Variants in FILIP1L observed in about 807,000 individuals in gnomAD.
The protein encoded by FILIP1L is filamin A-interacting protein 1-like.
FILIP1L carries 55 observed loss-of-function variants against 96.6 expected under a neutral mutation model. The ratio of observed to expected loss-of-function variants is 0.57; its 90% CI spans 0.46 to 0.71. The LOEUF is 0.71. FILIP1L is among the 30% of genes least tolerant of loss of function. The pLI is 0.00. For missense variants in FILIP1L, 1,304 were observed against 1,321.2 expected (o/e 0.99, Z 0.20); for synonymous variants, 467 against 473.9 (o/e 0.99, Z 0.19).
At chr3:99,957,292 T>G (rs902648477) in intron 1 of FILIP1L, among the ~76,000 whole-genome samples, 4 of 152,082 alleles carry the variant, frequency 2.6e-5, no homozygotes, top group African/African-American at 9.6e-5. Flanking sequence ...CAGCTATTCT[T>G]AAGAATTCTG....
intron 1 of FILIP1L, among the ~76,000 whole-genome samples, chr3:100,064,933 C>A (rs1047047947): frequency 1.3e-5 from 2 of 152,140 alleles, no homozygotes; most frequent in Non-Finnish European, 2.9e-5. Context: ...GCTGTTGCTG[C>A]CTATGCAATG....
intron 4 of FILIP1L, among the ~76,000 whole-genome samples, chr3:99,896,361 G>T (rs1001134744): frequency 3.9e-5 from 6 of 152,226 alleles, no homozygotes; most frequent in Non-Finnish European, 5.9e-5. Context: ...CTTTTCTAGA[G>T]AGAGGCTGTT....
intron 1 of FILIP1L, among the ~76,000 whole-genome samples, chr3:99,999,814 A>T (rs913806250): frequency 6.6e-6 from 1 of 152,222 alleles, no homozygotes; most frequent in Non-Finnish European, 1.5e-5. Context: ...CAGTGCATCC[A>T]GTTAATCTGC....
intron 1 of FILIP1L, among the ~76,000 whole-genome samples, chr3:100,062,095 T>TC (rs1229174021): frequency 2.8e-4 from 7 of 25,264 alleles, no homozygotes; most frequent in East Asian, 1.3e-3. Flanking sequence ...GTCTTCTTCT[T>TC]TTTTTTTTTT....
intron 1 of FILIP1L, among the ~76,000 whole-genome samples, chr3:100,105,632 A>C (rs1195848690): frequency 6.6e-6 from 1 of 152,182 alleles, no homozygotes; most frequent in Non-Finnish European, 1.5e-5. Context: ...ATTCTGAGTT[A>C]ATAGGCTGAG....
At chr3:100,085,592 G>T (rs2065996091) in intron 1 of FILIP1L, among the ~76,000 whole-genome samples, 1 of 152,054 alleles carries the variant, frequency 6.6e-6, no homozygotes, top group Non-Finnish European at 1.5e-5. Context: ...TCTCAGCATA[G>T]CTCTAAGATG....
rs144377333 is a variant in FILIP1L, at chr3:100,006,422, A to G, written c.-10-75392T>C. On this transcript the variant is annotated intron_variant, in intron 1 of 5. Coordinates refer to ENST00000477258, the MANE Select transcript of FILIP1L (RefSeq NM_001387850.1). ...CTCCTTCCCCATAATTATCATAACT[A>G]TTACCCACAAATGGATAAATTTGGT... 7.1e-3 allele frequency among the ~76,000 whole-genome samples: 1,087 copies of G among 152,110 alleles called. 18 individuals are homozygous for G. The highest frequency in any genetic ancestry group is 0.025 in the African/African-American group (1,048 of 41,482).
intron 4 of FILIP1L, 76 bp from the exon 5 acceptor site, chr3:99,851,146 A>G: frequency 1.7e-6 from 2 of 1,167,472 alleles, no homozygotes; most frequent in Non-Finnish European, 2.4e-6. Flanking sequence ...ATATATATGT[A>G]ATTTAGAAAT....
In FILIP1L at chr3:99,871,118, T is replaced by C. The variant is rs1329350376; in HGVS notation, c.606-20048A>G. Among the ~76,000 whole-genome samples the C allele has an allele frequency of 2.6e-5, 4 of 152,214 alleles. No homozygotes were observed. The East Asian group carries it at 5.8e-4, about 22-fold the overall frequency. The stretch of plus-strand genomic sequence containing the variant: ...CATACACTGCCATACAAAGCAGATT[T>C]CACTGCCTTGACTTAAGCTGAGCCT... On this transcript the variant is annotated intron_variant, in intron 4 of 5. Transcript: ENST00000477258.
At chr3:99,914,083 C>T (rs1261131377) in intron 4 of FILIP1L, among the ~76,000 whole-genome samples, 1 of 152,130 alleles carries the variant, frequency 6.6e-6, no homozygotes, top group African/African-American at 2.4e-5. Flanking sequence ...GGGAATTTGG[C>T]AAAGTGGGCC....
intron 1 of FILIP1L, among the ~76,000 whole-genome samples, chr3:99,935,636 C>T (rs949089282): frequency 6.6e-6 from 1 of 152,206 alleles, no homozygotes; most frequent in Non-Finnish European, 1.5e-5. Flanking sequence ...CCTGATGGAT[C>T]CCGTGATAGC....
rs146172549 is a variant in FILIP1L at position 99,971,059 on chromosome 3, T to C, written c.-10-40029A>G. Among the ~76,000 whole-genome samples, 1,201 of 152,268 alleles carry C rather than the reference T, an allele frequency of 7.9e-3. 12 individuals carry two copies. The highest frequency in any genetic ancestry group is 0.012 in the Non-Finnish European group (815 of 68,010). ...GTGTCTCTTAAGAGAATATGGGGGC[T>C]GGGCGTGGTGGCTCACGCCTGTAAT... On this transcript the variant is annotated intron_variant, in intron 1 of 5. Coordinates refer to ENST00000477258, the MANE Select transcript of FILIP1L (RefSeq NM_001387850.1).
At chr3:99,878,108 C>T (rs1705597032) in intron 4 of FILIP1L, among the ~76,000 whole-genome samples, 1 of 152,146 alleles carries the variant, frequency 6.6e-6, no homozygotes, top group South Asian at 2.1e-4. Context: ...ATGCCCTTGC[C>T]TGGTACACTA....
chr3:99,877,444 G>A (rs960990747), intron 4 of FILIP1L, among the ~76,000 whole-genome samples: 4 of 152,148 alleles, frequency 2.6e-5, no homozygotes, highest in Non-Finnish European at 5.9e-5. Context: ...AACATTAAAT[G>A]TATGTCCTCT....
chr3:99,902,745 C>G (rs567076347), intron 4 of FILIP1L, among the ~76,000 whole-genome samples: 1 of 152,248 alleles, frequency 6.6e-6, no homozygotes, highest in South Asian at 2.1e-4. Flanking sequence ...CCATGTTATG[C>G]TTTCTACTAT....
chr3:100,085,813 A>C (rs752977670), intron 1 of FILIP1L, among the ~76,000 whole-genome samples: 55 of 152,088 alleles, frequency 3.6e-4, no homozygotes, highest in Non-Finnish European at 5.7e-4. Context: ...TCTTTTATTC[A>C]CTCTGTGTTT....
At chr3:99,945,563 T>C (rs1044222228) in intron 1 of FILIP1L, among the ~76,000 whole-genome samples, 17 of 152,204 alleles carry the variant, frequency 1.1e-4, no homozygotes, top group Admixed American at 6.5e-5. Flanking sequence ...GAATCATTAC[T>C]CTCCCTTAAG....
intron 1 of FILIP1L, among the ~76,000 whole-genome samples, chr3:100,081,316 A>T (rs1559751108): frequency 1.3e-5 from 2 of 152,200 alleles, no homozygotes. Context: ...AACAAATTAT[A>T]TACCATGGTT....
At chr3:99,881,915 G>A (rs949603752) in intron 4 of FILIP1L, among the ~76,000 whole-genome samples, 5 of 152,164 alleles carry the variant, frequency 3.3e-5, no homozygotes, top group Non-Finnish European at 5.9e-5. Flanking sequence ...TTCAGGGTAA[G>A]TATTTGCAGA....
Sources: gnomAD v4.1 joint callset for allele counts (sites outside exome capture counted in the v4.1 genomes callset) on GRCh38, gnomAD v4.1.1 for gene constraint, MANE v1.5 for transcripts, NCBI Gene and HGNC (gene_info 2026-07-23, HGNC 2026-07-21) for gene names.